The following PMS2 variants were observed in gnomAD, a reference collection of about 807,000 sequenced individuals.
PMS2 encodes the protein mismatch repair endonuclease PMS2.
In PMS2, 69 loss-of-function variants were observed where a neutral mutation model predicts 90.0. The observed-to-expected ratio is 0.77, with a 90% CI of 0.63 to 0.94. The LOEUF is 0.94. Among genes scored for constraint, PMS2 ranks in the 40% least tolerant of loss-of-function variants. The probability of loss-of-function intolerance (pLI) is 0.00; values close to 1 mark genes in which losing one functional copy is unlikely to be tolerated. For synonymous variants in PMS2, 332 were observed against 375.1 expected (o/e 0.89, Z 1.33); for missense variants, 966 against 1,040.2 (o/e 0.93, Z 0.98).
At position 5,997,431 on chromosome 7, in the gene PMS2, A is replaced by G. The variant is rs2128789019; in HGVS notation, c.706-8T>C. ...AGGAATGAGGCTTTGCAACTGAAAA[A>G]AAAAAAAAAAAATTCACAGTTACTT... On this transcript the variant is annotated splice_region_variant and splice_polypyrimidine_tract_variant and intron_variant, in intron 6 of 14. Coordinates refer to ENST00000265849, the MANE Select transcript of PMS2 (RefSeq NM_000535.7). The G allele has an allele frequency of 6.7e-7, 1 of 1,489,674 alleles. No homozygotes were observed. The highest frequency in any genetic ancestry group is 9.3e-7 in the Non-Finnish European group (1 of 1,073,180). The allele number at this position is 1,489,674 out of a possible 1,614,324, so 92.3% of individuals were successfully genotyped here.
chr7:5,986,659 T>C, intron 11 of PMS2, 100 bp downstream of exon 11: 1 of 950,082 alleles, frequency 1.1e-6, no homozygotes, highest in Non-Finnish European at 1.5e-6. Flanking sequence ...GCCACTGCAT[T>C]CCAGCCTGCG....
intron 11 of PMS2, 56 bp from the exon 12 acceptor site, chr7:5,983,047 T>G: frequency 6.5e-7 from 1 of 1,548,092 alleles, no homozygotes; most frequent in Non-Finnish European, 8.8e-7. Context: ...TTTCTGATTA[T>G]GTTATAGAAC....
rs1421023770 is a variant in PMS2 at position 5,995,594 on chromosome 7, T to C, written c.843A>G (p.Gly281=). The C allele has an allele frequency of 6.2e-7, 1 of 1,613,918 alleles. No individual in the cohort carries two copies. Among genetic ancestry groups the C allele is most frequent in the South Asian group, 1.1e-5 (1 of 91,074 alleles). The change falls in exon 8 of 15, where the codon GGA becomes GGG. Residue 281 remains glycine (G), a synonymous_variant. Transcript: ENST00000265849. ...GFISQCTHGV[G]RSSTDRQFFF... Reference sequence around the variant, plus strand: ...AAAACTGTCTGTCTGTTGAACTCCTTCCAACTCCATGCGTGCATTGTGAAA... The same window carrying C: ...AAAACTGTCTGTCTGTTGAACTCCTCCCAACTCCATGCGTGCATTGTGAAA...
chr7:5,982,831 G>A lies in PMS2; in HGVS notation c.2167C>T (p.Leu723Phe), dbSNP rs1456057054. 5.6e-6 allele frequency: 9 copies of A among 1,609,114 alleles called. No individual in the cohort carries two copies. The highest frequency in any genetic ancestry group is 7.6e-6 in the Non-Finnish European group (9 of 1,178,450). Residue 723 changes from leucine (L) to phenylalanine (F), a missense_variant, in exon 12 of 15, where the codon CTC becomes TTC. Physicochemically the swap from Leu to Phe is conservative, Grantham distance 22. This residue lies in a region of PMS2 where 95 missense variants were observed against 237.8 expected (regional missense o/e 0.40). Transcript: ENST00000265849. ...AACACTAAACACACTCACGCTATGAGCCTCTGCCCCTGGAGCACGGTGTGC... is the reference window on the plus strand; with the variant it reads ...AACACTAAACACACTCACGCTATGAACCTCTGCCCCTGGAGCACGGTGTGC... ...QQHTVLQGQR[L>F]IAPQTLNLTA...
At chr7:6,003,459 C>A in intron 4 of PMS2, 1 of 523,044 alleles carries the variant, frequency 1.9e-6, no homozygotes. Flanking sequence ...TTGAGAATTA[C>A]TGTTTTAATA....
rs568024654 is a variant in PMS2 at position 5,983,672 on chromosome 7, C to T, written c.2007-681G>A. On this transcript the variant is annotated intron_variant, in intron 11 of 14. Transcript: ENST00000265849. ...TTTTCTTTTTTTTTTTCTTTTAAGACGGAGTCTCACTCTCTGTTGCCCAGG... is the reference window on the plus strand; with the variant it reads ...TTTTCTTTTTTTTTTTCTTTTAAGATGGAGTCTCACTCTCTGTTGCCCAGG... 1.0e-3 allele frequency among the ~76,000 whole-genome samples: 153 copies of T among 150,690 alleles called. 2 individuals are homozygous for T. The highest frequency in any genetic ancestry group is 3.5e-3 in the African/African-American group (143 of 40,684).
intron 13 of PMS2, among the ~76,000 whole-genome samples, chr7:5,978,202 T>G (rs2429575): frequency 6.7e-6 from 1 of 150,130 alleles, no homozygotes; most frequent in Non-Finnish European, 1.5e-5. Flanking sequence ...TTTATAAAAT[T>G]AAAAAAAACT....
Position 5,999,169 on chromosome 7 carries a change from A to G in PMS2, c.644T>C (p.Val215Ala), listed in dbSNP as rs1554302383. ...QLGQGKRQPV[V>A]CTGGSPSIKE... Reference sequence around the variant, plus strand: ...TATGCTGGGGCTTCCACCTGTGCATACCACAGGCTGTCGTTTTCCTTGTCC... The same window carrying G: ...TATGCTGGGGCTTCCACCTGTGCATGCCACAGGCTGTCGTTTTCCTTGTCC... The change falls in exon 6 of 15, where the codon GTA becomes GCA. Residue 215 changes from valine to alanine, a missense_variant. Physicochemically the swap from Val to Ala is moderately conservative, Grantham distance 64. This residue lies in a region of PMS2 where 871 missense variants were observed against 802.4 expected (regional missense o/e 1.09). Transcript: ENST00000265849. 6.2e-7 allele frequency: 1 copy of G among 1,614,034 alleles called. No individual in the cohort carries two copies.
rs375115225 is a variant in PMS2 at position 5,990,698 on chromosome 7, C to T, written c.989-743G>A. 1.4e-4 allele frequency among the ~76,000 whole-genome samples: 22 copies of T among 152,164 alleles called. 1 individual carries two copies. Among genetic ancestry groups the T allele is most frequent in the East Asian group, 9.6e-4 (5 of 5,184 alleles). On this transcript the variant is annotated intron_variant, in intron 9 of 14. Coordinates refer to ENST00000265849, the MANE Select transcript of PMS2 (RefSeq NM_000535.7). ...TTCACTGACCCAGTAATTCTACTCCCGGCAATTTATATTCAGAATAATTAA... is the reference window on the plus strand; with the variant it reads ...TTCACTGACCCAGTAATTCTACTCCTGGCAATTTATATTCAGAATAATTAA...
At chr7:5,981,360 T>A (rs1305197116) in intron 12 of PMS2, among the ~76,000 whole-genome samples, 1 of 149,942 alleles carries the variant, frequency 6.7e-6, no homozygotes, top group Non-Finnish European at 1.5e-5. Flanking sequence ...TCCTCCCACC[T>A]CAGCCTCCCG....
intron 11 of PMS2, among the ~76,000 whole-genome samples, chr7:5,984,279 G>A (rs1361412199): frequency 2.0e-5 from 3 of 151,700 alleles, no homozygotes; most frequent in Non-Finnish European, 2.9e-5. Context: ...GGTCCTTTGC[G>A]GGTGGCTTCA....
At position 5,991,664 on chromosome 7, in the gene PMS2, C is replaced by A. The variant is rs148638934; in HGVS notation, c.988+309G>T. ...ACCATCCTGGCTAACACGGTGAAAC[C>A]CTGTCTCTACTAAAAATACAAAAAA... On this transcript the variant is annotated intron_variant, in intron 9 of 14. Transcript: ENST00000265849. Among the ~76,000 whole-genome samples the A allele has an allele frequency of 7.0e-3, 1,063 of 151,822 alleles. 19 individuals carry two copies. Among genetic ancestry groups the A allele is most frequent in the African/African-American group, 0.025 (1,031 of 41,414 alleles).
At chr7:5,985,623 G>C (rs1315210779) in intron 11 of PMS2, among the ~76,000 whole-genome samples, 1 of 147,286 alleles carries the variant, frequency 6.8e-6, no homozygotes, top group Admixed American at 6.9e-5. Flanking sequence ...GTGCAATCTC[G>C]GCTCACCACA....
chr7:6,007,121 A>G (rs28553504), intron 1 of PMS2, among the ~76,000 whole-genome samples: 1 of 150,646 alleles, frequency 6.6e-6, no homozygotes, highest in Non-Finnish European at 1.5e-5. Context: ...TATTGTTATT[A>G]TTGTTATTAT....
chr7:6,003,705 G>A lies in PMS2; in HGVS notation c.338C>T (p.Ser113Leu), dbSNP rs1785365441. The A allele has an allele frequency of 6.3e-7, 1 of 1,585,452 alleles. No homozygotes were observed. The highest frequency in any genetic ancestry group is 8.6e-7 in the Non-Finnish European group (1 of 1,167,906). ...TFGFRGEALS[S>L]LCALSDVTIS... ...ATTGTATCACCTCAGTGCACAAAGT[G>A]AGCTCAGAGCTTCCCCCCGAAAGCC... The change falls in exon 4 of 15, where the codon TCA becomes TTA. Residue 113 changes from serine to leucine, a missense_variant. By Grantham distance (145) the Ser-to-Leu change is moderately radical. Transcript: ENST00000265849.
rs1064793639 is a variant in PMS2, at chr7:6,003,801, G to C, written c.251-9C>G. The C allele has an allele frequency of 2.6e-6, 4 of 1,561,314 alleles. No individual in the cohort carries two copies. The highest frequency in any genetic ancestry group is 2.6e-6 in the Non-Finnish European group (3 of 1,135,608). On this transcript the variant is annotated splice_polypyrimidine_tract_variant and intron_variant, in intron 3 of 14. Coordinates refer to ENST00000265849, the MANE Select transcript of PMS2 (RefSeq NM_000535.7). ...TGTGTGATGTTTCAGAGCTGAAAGA[G>C]AGTGTAAAGTAAGGACTAAGATATC...
intron 2 of PMS2, chr7:6,004,281 TC>T: frequency 4.7e-6 from 2 of 427,024 alleles, no homozygotes; most frequent in Non-Finnish European, 4.2e-6. Flanking sequence ...TCTTTTTTTT[TC>T]CCTAGGCTAG....
At chr7:5,994,509 C>T (rs994370816) in intron 8 of PMS2, among the ~76,000 whole-genome samples, 2 of 152,068 alleles carry the variant, frequency 1.3e-5, no homozygotes, top group Non-Finnish European at 1.5e-5. Flanking sequence ...CGCGGTGGCT[C>T]ACACCTGTAA....
chr7:5,996,757 G>A (rs1240374811), intron 7 of PMS2, among the ~76,000 whole-genome samples: 1 of 151,818 alleles, frequency 6.6e-6, no homozygotes, highest in Non-Finnish European at 1.5e-5. Flanking sequence ...TAATTTACAA[G>A]TTAGTCTAAC....
Sources: allele counts gnomAD v4.1 joint callset (sites outside exome capture counted in the v4.1 genomes callset), GRCh38; gene constraint gnomAD v4.1.1; regional missense constraint gnomAD v4.1.1; transcripts MANE v1.5; gene names NCBI Gene and HGNC (gene_info 2026-07-23, HGNC 2026-07-21).